The following ERCC6L2 variants were observed in gnomAD, a reference collection of about 807,000 sequenced individuals.
ERCC6L2 encodes the protein ERCC excision repair 6 like 2.
A neutral mutation model predicts 132.0 loss-of-function variants in ERCC6L2; 77 were observed. That is an observed-to-expected ratio of 0.58 (90% CI 0.49 to 0.71). The LOEUF (loss-of-function observed/expected upper bound fraction) is 0.71. ERCC6L2 is among the 30% of genes least tolerant of loss of function. The pLI, the probability that ERCC6L2 is intolerant of heterozygous loss-of-function variation, is 0.00. For missense variants in ERCC6L2, 1,542 were observed against 1,837.6 expected, an observed-to-expected ratio of 0.84 and a Z score of 2.94; for synonymous variants, 583 against 632.4, an observed-to-expected ratio of 0.92 and a Z score of 1.17.
chr9:96,016,906 T>TTGTG lies in ERCC6L2; in HGVS notation c.*3707_*3710dup, dbSNP rs1419649347. Among the ~76,000 whole-genome samples, 3 of 143,106 alleles carry TTGTG rather than the reference T, an allele frequency of 2.1e-5. No homozygotes were observed. The highest frequency in any genetic ancestry group is 4.7e-5 in the Non-Finnish European group (3 of 63,198). The allele number at this position is 143,106 out of a possible 152,430, so 93.9% of individuals were successfully genotyped here. A position where few individuals can be genotyped will look rare whatever the true frequency, so the allele number is the denominator to read the frequency against. The stretch of plus-strand genomic sequence containing the variant: ...ATCACTGCCTGCCTTAAAGGTTTTT[T>TTGTG]TGTGTGTTTGTTTGTTTGTTTGTTT... On this transcript the variant is annotated 3_prime_UTR_variant, in exon 19 of 19. Transcript: ENST00000653738.
At chr9:95,927,739 A>G (rs1190247319) in intron 9 of ERCC6L2, among the ~76,000 whole-genome samples, 6 of 152,202 alleles carry the variant, frequency 3.9e-5, no homozygotes, top group Admixed American at 1.3e-4. Context: ...GTTTCTTAGC[A>G]TATTGTAGGT....
chr9:95,917,280 G>A (rs889396498), intron 6 of ERCC6L2, among the ~76,000 whole-genome samples: 1 of 152,160 alleles, frequency 6.6e-6, no homozygotes, highest in Non-Finnish European at 1.5e-5. Flanking sequence ...TGGACTTCAA[G>A]AGGATTTTAA....
chr9:95,929,529 A>G (rs10512245), intron 11 of ERCC6L2, among the ~76,000 whole-genome samples: 40,121 of 152,116 alleles, frequency 0.26, 5,891 homozygotes, highest in East Asian at 0.4. Flanking sequence ...CAGAATTTCA[A>G]TGGACTTTAA....
intron 11 of ERCC6L2, among the ~76,000 whole-genome samples, chr9:95,939,320 A>G (rs1291211621): frequency 6.6e-6 from 1 of 150,630 alleles, no homozygotes; most frequent in Admixed American, 6.6e-5. Flanking sequence ...CTAGCCACCA[A>G]TCTTTTAGGT....
chr9:95,961,734 T>G (rs1273476826), intron 13 of ERCC6L2, among the ~76,000 whole-genome samples: 1 of 152,104 alleles, frequency 6.6e-6, no homozygotes, highest in Non-Finnish European at 1.5e-5. Context: ...TTAGTCTGTT[T>G]TCATGCTGCT....
downstream of ERCC6L2, among the ~76,000 whole-genome samples, chr9:96,023,228 G>A (rs753518870): frequency 4.6e-5 from 7 of 152,174 alleles, no homozygotes; most frequent in African/African-American, 1.7e-4. Flanking sequence ...CAGGACTCTG[G>A]AACAGGGAAG....
At chr9:95,943,578 A>G (rs753392570) in intron 12 of ERCC6L2, among the ~76,000 whole-genome samples, 2 of 152,178 alleles carry the variant, frequency 1.3e-5, no homozygotes, top group Non-Finnish European at 2.9e-5. Flanking sequence ...AGTCTACAGA[A>G]TGGGAGAAAA....
chr9:95,932,069 G>C (rs1000858596), intron 11 of ERCC6L2, among the ~76,000 whole-genome samples: 1 of 150,296 alleles, frequency 6.7e-6, no homozygotes, highest in Non-Finnish European at 1.5e-5. Flanking sequence ...TGTTTGAAAT[G>C]ATCACTTTTT....
chr9:95,975,684 T>G (rs1239192945), intron 16 of ERCC6L2, among the ~76,000 whole-genome samples: 1 of 152,072 alleles, frequency 6.6e-6, no homozygotes, highest in African/African-American at 2.4e-5. Flanking sequence ...TGGTTTGGCT[T>G]TCTTCTTCAG....
intron 13 of ERCC6L2, among the ~76,000 whole-genome samples, chr9:95,961,888 G>A (rs931768483): frequency 1.3e-5 from 2 of 152,070 alleles, no homozygotes; most frequent in Non-Finnish European, 2.9e-5. Flanking sequence ...AGAATCAAAC[G>A]AAAGGGGTTT....
At chr9:95,926,886 A>G (rs917000832) in intron 9 of ERCC6L2, among the ~76,000 whole-genome samples, 23 of 152,062 alleles carry the variant, frequency 1.5e-4, no homozygotes, top group African/African-American at 5.3e-4. Context: ...ATTAATACAG[A>G]TATTAATAAG....
intron 11 of ERCC6L2, among the ~76,000 whole-genome samples, chr9:95,929,784 G>A (rs1830258633): frequency 1.3e-5 from 2 of 152,064 alleles, no homozygotes; most frequent in African/African-American, 4.8e-5. Context: ...GAATACTGTG[G>A]TCAATTAAAT....
chr9:95,963,244 TTCACTCAAA>T (rs1831996658), intron 13 of ERCC6L2, among the ~76,000 whole-genome samples: 5 of 151,872 alleles, frequency 3.3e-5, no homozygotes, highest in Admixed American at 6.6e-5. Flanking sequence ...CCCAGTTAGC[TTCACTCAAA>T]TCACTCAAAT....
At chr9:95,957,896 C>T (rs552532899) in intron 13 of ERCC6L2, among the ~76,000 whole-genome samples, 11 of 150,814 alleles carry the variant, frequency 7.3e-5, no homozygotes, top group African/African-American at 2.7e-4. Flanking sequence ...TTAAATTATA[C>T]TTTAAGTTTT....
intron 18 of ERCC6L2, among the ~76,000 whole-genome samples, chr9:96,011,937 G>T (rs1834038833): frequency 6.6e-6 from 1 of 152,192 alleles, no homozygotes; most frequent in Non-Finnish European, 1.5e-5. Flanking sequence ...AGGAGGAGTA[G>T]CATGCTGGGC....
chr9:95,876,239 C>A (rs150014954), intron 1 of ERCC6L2, 155 bp downstream of exon 1: 182 of 628,866 alleles, frequency 2.9e-4, no homozygotes, highest in African/African-American at 2.7e-3. Context: ...GGAACCAAAT[C>A]TCCGATTCAG....
At chr9:95,918,559 C>CT (rs1330015247) in intron 6 of ERCC6L2, 2 of 426,354 alleles carry the variant, frequency 4.7e-6, no homozygotes, top group African/African-American at 4.1e-5. Context: ...TACAGCTACT[C>CT]TGAGAATTGT....
chr9:95,963,311 C>G (rs1009667087), intron 13 of ERCC6L2, among the ~76,000 whole-genome samples: 1 of 151,932 alleles, frequency 6.6e-6, no homozygotes, highest in African/African-American at 2.4e-5. Context: ...TTGTCTCAGC[C>G]ATTATCTTTA....
At chr9:95,911,369 A>G (rs1829331490) in intron 4 of ERCC6L2, among the ~76,000 whole-genome samples, 1 of 152,112 alleles carries the variant, frequency 6.6e-6, no homozygotes, top group Non-Finnish European at 1.5e-5. Flanking sequence ...TAATTTCTGT[A>G]TCTCAGTACT....
Sources: allele counts gnomAD v4.1 joint callset (sites outside exome capture counted in the v4.1 genomes callset), GRCh38; gene constraint gnomAD v4.1.1; transcripts MANE v1.5; gene names NCBI Gene and HGNC (gene_info 2026-07-23, HGNC 2026-07-21).